The following CPEB3 variants were observed in gnomAD, a reference collection of about 807,000 sequenced individuals.
The protein encoded by CPEB3 is cytoplasmic polyadenylation element-binding protein 3.
CPEB3 carries 20 observed loss-of-function variants against 67.2 expected under a neutral mutation model. The ratio of observed to expected loss-of-function variants is 0.30; its 90% CI spans 0.21 to 0.43. CPEB3 has a LOEUF of 0.43. CPEB3 is among the 20% of genes least tolerant of loss of function. The pLI is 1.00. For missense variants in CPEB3, 746 were observed against 968.6 expected, an observed-to-expected ratio of 0.77 and a Z score of 3.05; for synonymous variants, 376 against 393.1, an observed-to-expected ratio of 0.96 and a Z score of 0.51.
chr10:92,265,715 C>T (rs1216308338), intron 1 of CPEB3, among the ~76,000 whole-genome samples: 1 of 149,478 alleles, frequency 6.7e-6, no homozygotes, highest in East Asian at 2.0e-4. Context: ...TGCCATTGCA[C>T]TCAGCCTGGG....
Position 92,287,516 on chromosome 10 carries a change from T to C in CPEB3, c.-12+3410A>G, listed in dbSNP as rs182619331. On this transcript the variant is annotated intron_variant, in intron 1 of 9. Transcript: ENST00000265997. ...CATTTCAAATGTTAGGATTAATTTA[T>C]TTTCTGAGTTTTATCAATCACTATT... Among the ~76,000 whole-genome samples the C allele has an allele frequency of 5.6e-4, 85 of 152,308 alleles. 1 individual carries two copies. The highest frequency in any genetic ancestry group is 5.0e-3 in the Admixed American group (77 of 15,288).
At chr10:92,163,436 A>T in intron 4 of CPEB3, among the ~76,000 whole-genome samples, 1 of 152,014 alleles carries the variant, frequency 6.6e-6, no homozygotes. Context: ...AAAAAAAATT[A>T]CTTTCCTTGT....
rs1485620352 is a variant in CPEB3, at chr10:92,188,308, T to C, written c.1165+4169A>G. On this transcript the variant is annotated intron_variant, in intron 3 of 9. Coordinates refer to ENST00000265997, the MANE Select transcript of CPEB3 (RefSeq NM_014912.5). ...TCTCTCAAACGAAAAGAAAAGTATATGTAAGACATAGTAAAAAAAAAAAAA... is the reference window on the plus strand; with the variant it reads ...TCTCTCAAACGAAAAGAAAAGTATACGTAAGACATAGTAAAAAAAAAAAAA... Among the ~76,000 whole-genome samples, 5 of 54,064 alleles carry C rather than the reference T, an allele frequency of 9.2e-5. No homozygotes were observed. In the East Asian group the frequency reaches 2.3e-3, roughly 24 times the overall value. 35.5% of individuals were successfully genotyped at this position (54,064 alleles called of 152,430 possible).
At chr10:92,058,600 T>C (rs61875185) in intron 9 of CPEB3, among the ~76,000 whole-genome samples, 157 of 133,998 alleles carry the variant, frequency 1.2e-3, no homozygotes, top group Non-Finnish European at 1.9e-3. Context: ...TACATATATA[T>C]ATATATATAA....
In CPEB3 at chr10:92,111,168, C is replaced by T; in HGVS notation, c.1480G>A (p.Glu494Lys). 6.2e-7 allele frequency: 1 copy of T among 1,613,648 alleles called. No homozygotes were observed. The highest frequency in any genetic ancestry group is 8.5e-7 in the Non-Finnish European group (1 of 1,179,584). ...KGYAFLLFQE[E>K]SSVQALIDAC... ...TCTATCAAAGCTTGTACTGAGCTTTCCTCTTGGAACAGCAGAAAGGCATAG... is the reference window on the plus strand; with the variant it reads ...TCTATCAAAGCTTGTACTGAGCTTTTCTCTTGGAACAGCAGAAAGGCATAG... The change falls in exon 7 of 10, where the codon GAA (glutamate) becomes AAA (lysine). Residue 494 changes from glutamate (E) to lysine (K), a missense_variant. By Grantham distance (56) the Glu-to-Lys change is moderately conservative. Coordinates refer to ENST00000265997, the MANE Select transcript of CPEB3 (RefSeq NM_014912.5).
chr10:92,194,866 T>C (rs1849157474), intron 2 of CPEB3, among the ~76,000 whole-genome samples: 4 of 151,668 alleles, frequency 2.6e-5, no homozygotes. Context: ...ATGGTGAAAC[T>C]CCGTCTCTAC....
chr10:92,222,851 C>T (rs1022826466), intron 2 of CPEB3, among the ~76,000 whole-genome samples: 2 of 152,092 alleles, frequency 1.3e-5, no homozygotes, highest in African/African-American at 4.8e-5. Flanking sequence ...ACCTTTATAC[C>T]CATTTAGAAA....
At chr10:92,138,289 G>T in intron 6 of CPEB3, 1 of 220,342 alleles carries the variant, frequency 4.5e-6, no homozygotes, top group South Asian at 7.8e-5. Context: ...AACAGAAGAA[G>T]ACAAGAGGAC....
Position 92,134,342 on chromosome 10 carries a change from C to T in CPEB3, c.1453+8687G>A, listed in dbSNP as rs183187952. On this transcript the variant is annotated intron_variant, in intron 6 of 9. Transcript: ENST00000265997. The stretch of plus-strand genomic sequence containing the variant: ...AGTCTCAGGATACAAAATCAATATG[C>T]AAAAATCACAAGCGTTCCTATATAC... Among the ~76,000 whole-genome samples the T allele has an allele frequency of 5.0e-3, 764 of 152,012 alleles. 13 individuals carry two copies. The highest frequency in any genetic ancestry group is 0.048 in the Middle Eastern group (14 of 294).
chr10:92,214,340 G>A (rs1386159705), intron 2 of CPEB3, among the ~76,000 whole-genome samples: 3 of 152,136 alleles, frequency 2.0e-5, no homozygotes, highest in Admixed American at 2.0e-4. Flanking sequence ...GCAGAGAGGA[G>A]CCCTCACCAG....
intron 2 of CPEB3, among the ~76,000 whole-genome samples, chr10:92,212,201 CA>C: frequency 6.8e-6 from 1 of 146,996 alleles, no homozygotes; most frequent in East Asian, 2.1e-4. Flanking sequence ...TGTTTTAAGA[CA>C]ATAAATTCTT....
At chr10:92,290,627 A>G (rs546295195) in intron 1 of CPEB3, among the ~76,000 whole-genome samples, 1 of 152,234 alleles carries the variant, frequency 6.6e-6, no homozygotes, top group South Asian at 2.1e-4. Flanking sequence ...TGTCTGGTCC[A>G]GGCAGTCCCT....
At chr10:92,066,577 G>A (rs921540069) in intron 9 of CPEB3, among the ~76,000 whole-genome samples, 6 of 152,074 alleles carry the variant, frequency 3.9e-5, no homozygotes, top group Admixed American at 3.9e-4. Flanking sequence ...CATTTATCTG[G>A]TGTGCTAAAA....
chr10:92,168,286 C>T (rs1847838415), intron 4 of CPEB3, among the ~76,000 whole-genome samples: 1 of 152,198 alleles, frequency 6.6e-6, no homozygotes, highest in African/African-American at 2.4e-5. Context: ...GAGAAACCTA[C>T]AGGTATCTTA....
chr10:92,119,076 A>G, intron 6 of CPEB3: 1 of 1,581,370 alleles, frequency 6.3e-7, no homozygotes, highest in Non-Finnish European at 8.7e-7. Flanking sequence ...GACCTAGGAA[A>G]AGGCCTGAAG....
At chr10:92,200,997 C>T (rs1253144760) in intron 2 of CPEB3, among the ~76,000 whole-genome samples, 1 of 152,150 alleles carries the variant, frequency 6.6e-6, no homozygotes, top group African/African-American at 2.4e-5. Context: ...GTACAAATGC[C>T]ACCTGCTGCC....
chr10:92,120,401 G>A (rs1296607785), intron 6 of CPEB3, among the ~76,000 whole-genome samples: 9 of 151,984 alleles, frequency 5.9e-5, no homozygotes, highest in Admixed American at 5.2e-4. Flanking sequence ...TGGCTAACAC[G>A]GAGAAACCCT....
intron 9 of CPEB3, among the ~76,000 whole-genome samples, chr10:92,059,076 C>T (rs950627337): frequency 1.3e-5 from 2 of 152,250 alleles, no homozygotes; most frequent in African/African-American, 4.8e-5. Flanking sequence ...CCTGTAATCC[C>T]AGCACTTTGG....
At position 92,249,373 on chromosome 10, in the gene CPEB3, G is replaced by A. The variant is rs1395718762; in HGVS notation, c.-11-9012C>T. Among the ~76,000 whole-genome samples, 7 of 110,108 alleles carry A rather than the reference G, an allele frequency of 6.4e-5. No homozygotes were observed. In the South Asian group the frequency reaches 1.3e-3, roughly 21 times the overall value. The allele number at this position is 110,108 out of a possible 152,430, so 72.2% of individuals were successfully genotyped here. ...CAGTCTGGTGACAGAGCGAGACTCC[G>A]TCTCAAAAAAAAAAAAAAAAATTAT... On this transcript the variant is annotated intron_variant, in intron 1 of 9. Coordinates refer to ENST00000265997, the MANE Select transcript of CPEB3 (RefSeq NM_014912.5).
Sources: allele counts gnomAD v4.1 joint callset (sites outside exome capture counted in the v4.1 genomes callset), GRCh38; gene constraint gnomAD v4.1.1; transcripts MANE v1.5; gene names NCBI Gene and HGNC (gene_info 2026-07-23, HGNC 2026-07-21).